Variants in ZNF273 observed in about 807,000 individuals in gnomAD.
ZNF273 encodes the protein zinc finger protein 273.
In ZNF273, 11 loss-of-function variants were observed where a neutral mutation model predicts 14.9. The observed-to-expected ratio is 0.74, with a 90% CI of 0.46 to 1.22. The LOEUF is 1.22. Among genes scored for constraint, ZNF273 ranks in the 50% most tolerant of loss-of-function variants. The probability of loss-of-function intolerance (pLI) is 0.00; values close to 1 mark genes in which losing one functional copy is unlikely to be tolerated. For synonymous variants in ZNF273, 199 were observed against 223.9 expected, an observed-to-expected ratio of 0.89 and a Z score of 0.99; for missense variants, 577 against 660.6, an observed-to-expected ratio of 0.87 and a Z score of 1.39.
chr7:64,908,174 C>T (rs918586797), intron 1 of ZNF273, among the ~76,000 whole-genome samples: 1 of 152,270 alleles, frequency 6.6e-6, no homozygotes, highest in Non-Finnish European at 1.5e-5. Flanking sequence ...TACAGCCCCC[C>T]TGGGCCACTA....
chr7:64,934,871 T>C (rs1203348525), downstream of ZNF273, among the ~76,000 whole-genome samples: 1 of 152,208 alleles, frequency 6.6e-6, no homozygotes, highest in African/African-American at 2.4e-5. Context: ...GGTTGTGTTA[T>C]ATCTGCAGAT....
upstream of ZNF273, among the ~76,000 whole-genome samples, chr7:64,902,110 CATATTAAAATA>C (rs1438946150): frequency 6.7e-6 from 1 of 149,178 alleles, no homozygotes; most frequent in Non-Finnish European, 1.5e-5. Context: ...ATACTGCTCA[CATATTAAAATA>C]ATATTTTGAA....
rs1794979471 is a variant in ZNF273 at position 64,930,965 on chromosome 7, CAT to C, written c.*1928_*1929del. 1 of 152,026 alleles carries C rather than the reference CAT, an allele frequency of 6.6e-6. No homozygotes were observed. The highest frequency in any genetic ancestry group is 6.5e-5 in the Admixed American group (1 of 15,274). The allele number at this position is 152,026 out of a possible 1,614,324, so 9.4% of individuals were successfully genotyped here. ...TACAAAAGTATGAATAAAATACATA[CAT>C]TTCTGAGTCCTGAATATTTTTAAAA... On this transcript the variant is annotated 3_prime_UTR_variant, in exon 4 of 4. Transcript: ENST00000476120.
chr7:64,895,645 A>C (rs1792324294), intron 3 of ZNF273, among the ~76,000 whole-genome samples: 2 of 152,246 alleles, frequency 1.3e-5, no homozygotes, highest in African/African-American at 4.8e-5. Context: ...ATACAGATGG[A>C]TGTGGCTCAA....
At chr7:64,912,826 G>GTTTTTTGTTGTTGTTGTTGTTTT in intron 1 of ZNF273, among the ~76,000 whole-genome samples, 5 of 36,566 alleles carry the variant, frequency 1.4e-4, no homozygotes, top group Admixed American at 4.0e-4. Flanking sequence ...ATTCATTTTA[G>GTTTTTTGTTGTTGTTGTTGTTTT]TTTTTTTTTT....
At chr7:64,908,443 C>T (rs1388366049) in intron 1 of ZNF273, among the ~76,000 whole-genome samples, 2 of 152,146 alleles carry the variant, frequency 1.3e-5, no homozygotes, top group Non-Finnish European at 2.9e-5. Context: ...TTGTTCCCCG[C>T]TTTGAGTCCA....
downstream of ZNF273, chr7:64,933,534 G>C (rs1795033274): frequency 6.6e-6 from 1 of 152,132 alleles, no homozygotes; most frequent in Non-Finnish European, 1.5e-5. Flanking sequence ...AGAAACTCCA[G>C]GTACCCCAAG....
chr7:64,908,280 C>T (rs999834200), intron 1 of ZNF273, among the ~76,000 whole-genome samples: 4 of 152,200 alleles, frequency 2.6e-5, no homozygotes, highest in Non-Finnish European at 5.9e-5. Flanking sequence ...TCGTGGTACA[C>T]GTGCTGATTT....
chr7:64,913,883 G>T (rs1321255158), intron 1 of ZNF273, among the ~76,000 whole-genome samples: 1 of 149,720 alleles, frequency 6.7e-6, no homozygotes, highest in Non-Finnish European at 1.5e-5. Flanking sequence ...CTTCTAATGA[G>T]GATTACATGG....
chr7:64,902,996 A>G (rs1792824808), upstream of ZNF273, among the ~76,000 whole-genome samples: 1 of 152,196 alleles, frequency 6.6e-6, no homozygotes, highest in South Asian at 2.1e-4. Context: ...ACTATTTATT[A>G]ATATAAATGC....
chr7:64,878,935 C>A (rs747101205), intron 2 of ZNF273, among the ~76,000 whole-genome samples: 1 of 152,206 alleles, frequency 6.6e-6, no homozygotes, highest in Non-Finnish European at 1.5e-5. Flanking sequence ...AGCACTGTCA[C>A]GTTTTAATGA....
downstream of ZNF273, among the ~76,000 whole-genome samples, chr7:64,931,961 G>A (rs1398381789): frequency 6.6e-6 from 1 of 152,070 alleles, no homozygotes; most frequent in Non-Finnish European, 1.5e-5. Context: ...TTTGTCTTAT[G>A]TGTATTCCAA....
downstream of ZNF273, among the ~76,000 whole-genome samples, chr7:64,891,015 C>T (rs1341274060): frequency 6.6e-6 from 1 of 152,186 alleles, no homozygotes; most frequent in Non-Finnish European, 1.5e-5. Flanking sequence ...GATGGCTGTG[C>T]TTGGCCTGGG....
At chr7:64,879,209 A>C (rs1355806512) in intron 2 of ZNF273, among the ~76,000 whole-genome samples, 1 of 152,150 alleles carries the variant, frequency 6.6e-6, no homozygotes, top group Non-Finnish European at 1.5e-5. Flanking sequence ...CAGGGATTTC[A>C]GAGTCAAAAG....
At chr7:64,902,106 C>T (rs1792757353), upstream of ZNF273, among the ~76,000 whole-genome samples, 1 of 149,044 alleles carries the variant, frequency 6.7e-6, no homozygotes, top group Non-Finnish European at 1.5e-5. Flanking sequence ...TTACATACTG[C>T]TCACATATTA....
At chr7:64,886,062 A>T (rs1193585875) in intron 1 of ZNF273, among the ~76,000 whole-genome samples, 1 of 136,132 alleles carries the variant, frequency 7.3e-6, no homozygotes, top group African/African-American at 2.7e-5. Context: ...TAGGTGGGGG[A>T]AACCACACTG....
In ZNF273 at chr7:64,928,875, G is replaced by A; in HGVS notation, c.1547G>A (p.Cys516Tyr). 1 of 1,613,974 alleles carries A rather than the reference G, an allele frequency of 6.2e-7. No homozygotes were observed. The highest frequency in any genetic ancestry group is 2.2e-5 in the East Asian group (1 of 44,854). The change falls in exon 4 of 4, where the codon TGT becomes TAT. Residue 516 changes from cysteine to tyrosine, a missense_variant. By Grantham distance (194) the Cys-to-Tyr change is radical (BLOSUM62 -2). Coordinates refer to ENST00000476120, the MANE Select transcript of ZNF273 (RefSeq NM_021148.3). ...CATACTGGAGAGAAGCCCTACAAAT[G>A]TGAAGAATGTGGCAAAGCTTTTAAC... ...RIHTGEKPYK[C>Y]EECGKAFNRS...
intron 1 of ZNF273, among the ~76,000 whole-genome samples, chr7:64,916,369 G>GAA (rs762863213): frequency 2.7e-4 from 36 of 135,134 alleles, no homozygotes; most frequent in East Asian, 1.1e-3. Context: ...TACTAAAAAT[G>GAA]TAAAAAAAAA....
upstream of ZNF273, among the ~76,000 whole-genome samples, chr7:64,901,244 C>G (rs1057083937): frequency 4.6e-5 from 7 of 152,136 alleles, no homozygotes; most frequent in African/African-American, 1.4e-4. Flanking sequence ...CTCAGGTGAT[C>G]TACCTGCCTC....
Sources: gnomAD v4.1 joint callset for allele counts (sites outside exome capture counted in the v4.1 genomes callset) on GRCh38, gnomAD v4.1.1 for gene constraint, MANE v1.5 for transcripts, NCBI Gene and HGNC (gene_info 2026-07-23, HGNC 2026-07-21) for gene names.